Variants in LRMDA observed in about 807,000 individuals in gnomAD.
LRMDA encodes leucine-rich melanocyte differentiation-associated protein.
Under a neutral mutation model 29.8 loss-of-function variants are expected in LRMDA, and 18 were observed. The ratio of observed to expected loss-of-function variants is 0.60; its 90% confidence interval spans 0.42 to 0.90. The LOEUF is 0.90. Among genes scored for constraint, LRMDA ranks in the 40% least tolerant of loss-of-function variants. The pLI is 0.00. For synonymous variants in LRMDA, 125 were observed against 109.4 expected, an observed-to-expected ratio of 1.14 and a Z score of -0.89; for missense variants, 273 against 273.9, an observed-to-expected ratio of 1.00 and a Z score of 0.02.
intron 2 of LRMDA, among the ~76,000 whole-genome samples, chr10:76,019,954 A>G (rs922270130): frequency 6.6e-6 from 1 of 152,214 alleles, no homozygotes; most frequent in Non-Finnish European, 1.5e-5. Context: ...CAGGTGGTCC[A>G]CGAGCCACTC....
At chr10:75,999,298 A>G (rs565175309) in intron 2 of LRMDA, among the ~76,000 whole-genome samples, 1 of 152,324 alleles carries the variant, frequency 6.6e-6, no homozygotes, top group East Asian at 1.9e-4. Flanking sequence ...TTAGTAGTAG[A>G]GAACTCTTGT....
intron 2 of LRMDA, among the ~76,000 whole-genome samples, chr10:75,444,380 A>G (rs914007603): frequency 4.6e-5 from 7 of 152,192 alleles, no homozygotes; most frequent in African/African-American, 1.7e-4. Flanking sequence ...AACAGGCCCA[A>G]ATGAAATTTC....
rs1191387195 is a variant in LRMDA at position 75,690,969 on chromosome 10, T to TA, written c.131+252485dup. 3.1e-3 allele frequency among the ~76,000 whole-genome samples: 298 copies of TA among 96,668 alleles called. 8 individuals are homozygous for TA. The highest frequency in any genetic ancestry group is 7.6e-3 in the African/African-American group (167 of 21,914). The allele number at this position is 96,668 out of a possible 152,430, so 63.4% of individuals were successfully genotyped here. ...TGCAACAGAGCAAGACCCTGTCTCT[T>TA]AAAAAAAAAATATATATATATATAT... On this transcript the variant is annotated intron_variant, in intron 2 of 6. Transcript: ENST00000611255.
chr10:76,445,463 TCA>T (rs1479866656), intron 6 of LRMDA, among the ~76,000 whole-genome samples: 2 of 152,172 alleles, frequency 1.3e-5, no homozygotes, highest in African/African-American at 4.8e-5. Context: ...ATGCAGGGCA[TCA>T]CGGATGTTTA....
chr10:76,364,446 A>C (rs1390263018), intron 6 of LRMDA, among the ~76,000 whole-genome samples: 1 of 152,064 alleles, frequency 6.6e-6, no homozygotes, highest in African/African-American at 2.4e-5. Context: ...ATTACTTTAA[A>C]CTACTTGTTT....
intron 2 of LRMDA, among the ~76,000 whole-genome samples, chr10:75,527,681 A>G (rs1845428241): frequency 6.8e-6 from 1 of 147,588 alleles, no homozygotes; most frequent in Non-Finnish European, 1.5e-5. Flanking sequence ...AATATAAATC[A>G]TATATAATTT....
At chr10:75,857,246 C>T (rs1300528379) in intron 2 of LRMDA, among the ~76,000 whole-genome samples, 1 of 152,192 alleles carries the variant, frequency 6.6e-6, no homozygotes, top group African/African-American at 2.4e-5. Flanking sequence ...TGTTCTTTTC[C>T]TCAGAATATG....
chr10:76,217,593 G>C (rs1851751508), intron 5 of LRMDA, among the ~76,000 whole-genome samples: 2 of 152,298 alleles, frequency 1.3e-5, no homozygotes, highest in Admixed American at 6.5e-5. Context: ...TACTCACACT[G>C]TGATGGGGAA....
intron 5 of LRMDA, among the ~76,000 whole-genome samples, chr10:76,187,085 C>T (rs1296072234): frequency 6.6e-6 from 1 of 152,028 alleles, no homozygotes. Flanking sequence ...CAAAATGTAC[C>T]CCCTTCCCTC....
At chr10:76,402,775 A>G (rs1041905163) in intron 6 of LRMDA, among the ~76,000 whole-genome samples, 10 of 152,208 alleles carry the variant, frequency 6.6e-5, no homozygotes. Flanking sequence ...GGGATTTTAC[A>G]GCAATGCGCT....
chr10:75,578,215 CAAAAAAAAAAA>C (rs1183989010), intron 2 of LRMDA, among the ~76,000 whole-genome samples: 8 of 14,228 alleles, frequency 5.6e-4, no homozygotes, highest in South Asian at 0.019. Context: ...AAATGGAAAG[CAAAAAAAAAAA>C]AAAAAAAAAA....
rs557462214 is a variant in LRMDA, at chr10:76,247,090, C to G, written c.517-77311C>G. Among the ~76,000 whole-genome samples, 48 of 152,316 alleles carry G rather than the reference C, an allele frequency of 3.2e-4. 2 individuals are homozygous for G. In the South Asian group the frequency reaches 1.0e-2, roughly 32 times the overall value. On this transcript the variant is annotated intron_variant, in intron 5 of 6. Coordinates refer to ENST00000611255, the MANE Select transcript of LRMDA (RefSeq NM_001305581.2). ...CGATCTTGTCTTACCTCCTCTGTCC[C>G]TCACTCCTTCACTCTTGCCCCAGCT... is the stretch of plus-strand genomic sequence containing the variant.
At chr10:75,727,961 T>C (rs1554822681) in intron 2 of LRMDA, among the ~76,000 whole-genome samples, 1 of 152,046 alleles carries the variant, frequency 6.6e-6, no homozygotes, top group Non-Finnish European at 1.5e-5. Context: ...TTCCCCTTAA[T>C]AAAGGGAAAA....
chr10:75,851,018 G>C (rs945251801), intron 2 of LRMDA, among the ~76,000 whole-genome samples: 1 of 152,018 alleles, frequency 6.6e-6, no homozygotes, highest in African/African-American at 2.4e-5. Flanking sequence ...TTTTAACCCC[G>C]CCTGGAAGAG....
At chr10:75,593,549 TAAAGA>T (rs1281939761) in intron 2 of LRMDA, among the ~76,000 whole-genome samples, 1 of 152,226 alleles carries the variant, frequency 6.6e-6, no homozygotes, top group Non-Finnish European at 1.5e-5. Context: ...TATTGTTGAC[TAAAGA>T]AAAGTATACG....
rs571006897 is a variant in LRMDA, at chr10:76,171,315, A to G, written c.516+112532A>G. ...CATGCCTGGCTAATTTTTTTTGTAT[A>G]TTTAATAGAGATGGGGTTTCACCGT... On this transcript the variant is annotated intron_variant, in intron 5 of 6. Coordinates refer to ENST00000611255, the MANE Select transcript of LRMDA (RefSeq NM_001305581.2). Among the ~76,000 whole-genome samples the G allele has an allele frequency of 2.6e-5, 4 of 152,132 alleles. No homozygotes were observed. In the East Asian group the frequency reaches 5.8e-4, roughly 22 times the overall value.
In LRMDA at chr10:75,665,781, G is replaced by C. The variant is rs143683783; in HGVS notation, c.131+227287G>C. Among the ~76,000 whole-genome samples, 5 of 152,272 alleles carry C rather than the reference G, an allele frequency of 3.3e-5. No homozygotes were observed. The East Asian group carries it at 9.6e-4, about 29-fold the overall frequency. On this transcript the variant is annotated intron_variant, in intron 2 of 6. Coordinates refer to ENST00000611255, the MANE Select transcript of LRMDA (RefSeq NM_001305581.2). ...CTTATCTATGCCTTACATTGTCTTT[G>C]AGTTATTTTACAAGTCTGTAAGTTG...
chr10:76,343,813 ATTTTTTTT>A (rs5786231), intron 6 of LRMDA, among the ~76,000 whole-genome samples: 6 of 126,662 alleles, frequency 4.7e-5, no homozygotes, highest in South Asian at 2.6e-4. Flanking sequence ...TTTACAGGTG[ATTTTTTTT>A]TTTTTTTTTT....
intron 5 of LRMDA, among the ~76,000 whole-genome samples, chr10:76,137,361 A>G (rs1386515173): frequency 6.6e-6 from 1 of 152,212 alleles, no homozygotes; most frequent in African/African-American, 2.4e-5. Context: ...TGAATAATTA[A>G]TCTCACTTGA....
Sources: allele counts gnomAD v4.1 joint callset (sites outside exome capture counted in the v4.1 genomes callset), GRCh38; gene constraint gnomAD v4.1.1; transcripts MANE v1.5; gene names NCBI Gene and HGNC (gene_info 2026-07-23, HGNC 2026-07-21).